Variants in DLGAP4 observed in about 807,000 individuals in gnomAD.
DLGAP4 encodes the protein DLG associated protein 4, also known as disks large-associated protein 4.
In DLGAP4, 18 loss-of-function variants were observed where a neutral mutation model predicts 86.9. That is an observed-to-expected ratio of 0.21 (90% CI 0.14 to 0.31). DLGAP4 has a LOEUF of 0.31. Among genes scored for constraint, DLGAP4 ranks in the 10% least tolerant of loss-of-function variants. The pLI is 1.00. For missense variants in DLGAP4, 1,085 were observed against 1,362.6 expected (o/e 0.80, Z 3.21); for synonymous variants, 548 against 574.3 (o/e 0.95, Z 0.65).
intron 1 of DLGAP4, among the ~76,000 whole-genome samples, chr20:36,307,099 G>A (rs1205431779): frequency 6.6e-6 from 1 of 152,054 alleles, no homozygotes; most frequent in Non-Finnish European, 1.5e-5. Flanking sequence ...ATCTGGGGAG[G>A]GGGCGGGGGC....
chr20:36,401,540 C>T (rs2032160939), intron 2 of DLGAP4, among the ~76,000 whole-genome samples: 1 of 152,248 alleles, frequency 6.6e-6, no homozygotes, highest in Admixed American at 6.5e-5. Flanking sequence ...GCTTCTCCCC[C>T]AGTGCCCTAG....
chr20:36,320,401 C>A lies in DLGAP4; in HGVS notation c.-304+13889C>A, dbSNP rs527962209. ...GGGTGGGAGCTCAGGCAATGGGAAC[C>A]ATGCTTGGAGGGGCCCAGCCAGGCC... On this transcript the variant is annotated intron_variant, in intron 1 of 12. Coordinates refer to ENST00000339266, the MANE Select transcript of DLGAP4 (RefSeq NM_001365621.2). Among the ~76,000 whole-genome samples the A allele has an allele frequency of 2.6e-5, 4 of 152,084 alleles. No individual in the cohort carries two copies. In the South Asian group the frequency reaches 6.2e-4, roughly 24 times the overall value.
At chr20:36,524,438 A>AAC (rs1398940603) in intron 11 of DLGAP4, 97 bp downstream of exon 11, 2 of 1,001,446 alleles carry the variant, frequency 2.0e-6, no homozygotes, top group African/African-American at 3.2e-5. Context: ...CCTCCTCTGT[A>AAC]ACACACACAG....
chr20:36,343,966 G>A (rs1481456662), intron 1 of DLGAP4, among the ~76,000 whole-genome samples: 7 of 152,230 alleles, frequency 4.6e-5, no homozygotes, highest in Non-Finnish European at 1.0e-4. Flanking sequence ...TGAGGGAGCT[G>A]CCTGCCTGCT....
At position 36,446,815 on chromosome 20, in the gene DLGAP4, G is replaced by A. The variant is rs2033604075; in HGVS notation, c.1526G>A (p.Arg509His). ...CCACTGCCCAGCTACTTCCGCTCCC[G>A]CAGCCACAGCTACCTGCGTGCCATC... ...DLPLPSYFRS[R>H]SHSYLRAIQA... Residue 509 changes from arginine (R) to histidine (H), a missense_variant, in exon 7 of 13, where the codon CGC (arginine) becomes CAC (histidine). Arg to His is a conservative substitution (Grantham distance 29). Transcript: ENST00000339266. The A allele has an allele frequency of 1.2e-6, 2 of 1,612,606 alleles. No homozygotes were observed. The highest frequency in any genetic ancestry group is 1.1e-5 in the South Asian group (1 of 90,926).
chr20:36,525,731 G>C, intron 11 of DLGAP4, 120 bp from the exon 12 acceptor site: 4 of 1,334,544 alleles, frequency 3.0e-6, no homozygotes, highest in Non-Finnish European at 4.1e-6. Context: ...CCAGACACTA[G>C]GCCTCAAGAG....
Position 36,306,562 on chromosome 20 carries a change from G to T in DLGAP4, c.-304+50G>T, listed in dbSNP as rs2065004183. ...GCGGCTCCTACCCCCTTCCCGGGCC[G>T]GCGCGCTCCGTCCCTCGGCTAGACC... On this transcript the variant is annotated intron_variant, in intron 1 of 12. Transcript: ENST00000339266. This position sits in a 1 kb window ranked among gnomAD's most constrained non-coding sequence, Gnocchi z 4.9. 6.6e-6 allele frequency: 1 copy of T among 151,362 alleles called. No individual in the cohort carries two copies. The highest frequency in any genetic ancestry group is 6.6e-5 in the Admixed American group (1 of 15,232). 9.4% of individuals were successfully genotyped at this position (151,362 alleles called of 1,614,324 possible).
At chr20:36,318,118 A>T (rs1291584643) in intron 1 of DLGAP4, among the ~76,000 whole-genome samples, 66 of 118,440 alleles carry the variant, frequency 5.6e-4, no homozygotes, top group South Asian at 8.7e-4. Context: ...ACACACACAC[A>T]CACACACACA....
intron 7 of DLGAP4, chr20:36,462,135 C>G (rs1057404950): frequency 4.9e-6 from 5 of 1,014,794 alleles, no homozygotes; most frequent in Non-Finnish European, 5.9e-6. Context: ...TGGGCTTTCC[C>G]TCTTCTGGGT....
intron 2 of DLGAP4, among the ~76,000 whole-genome samples, chr20:36,383,166 T>C (rs1452432752): frequency 6.6e-6 from 1 of 152,146 alleles, no homozygotes; most frequent in Non-Finnish European, 1.5e-5. Context: ...CGCTGGGGTC[T>C]CCACTGAACT....
At chr20:36,377,813 G>A (rs1456982451) in intron 2 of DLGAP4, among the ~76,000 whole-genome samples, 4 of 152,162 alleles carry the variant, frequency 2.6e-5, no homozygotes, top group African/African-American at 7.2e-5. Context: ...CTCTCCCCGC[G>A]TTCCTCCAAC....
rs1387923111 is a variant in DLGAP4, at chr20:36,319,995, G to T, written c.-304+13483G>T. ...CCCACTCCCCCGGGCCTCCCTCTGTGTCCCTCTCCTCCAGGCCTCCCTCTG... is the reference window on the plus strand; with the variant it reads ...CCCACTCCCCCGGGCCTCCCTCTGTTTCCCTCTCCTCCAGGCCTCCCTCTG... On this transcript the variant is annotated intron_variant, in intron 1 of 12. Transcript: ENST00000339266. Among the ~76,000 whole-genome samples the T allele has an allele frequency of 2.0e-5, 3 of 149,924 alleles. No individual in the cohort carries two copies. In the East Asian group the frequency reaches 6.0e-4, roughly 30 times the overall value.
intron 12 of DLGAP4, among the ~76,000 whole-genome samples, chr20:36,526,286 AGAG>A (rs1569527714): frequency 6.6e-6 from 1 of 151,242 alleles, no homozygotes; most frequent in African/African-American, 2.5e-5. Flanking sequence ...ACGTTATAAC[AGAG>A]GAGGCAGCAA....
At chr20:36,351,994 G>C (rs530361024) in intron 1 of DLGAP4, among the ~76,000 whole-genome samples, 15 of 152,302 alleles carry the variant, frequency 9.8e-5, no homozygotes, top group African/African-American at 2.9e-4. Flanking sequence ...GCCCAGGCAG[G>C]TGAGACAGGG....
intron 10 of DLGAP4, among the ~76,000 whole-genome samples, chr20:36,502,122 T>A (rs1167583083): frequency 6.6e-6 from 1 of 152,210 alleles, no homozygotes. Context: ...GATGAGTGTT[T>A]AGCTCTCACA....
intron 12 of DLGAP4, among the ~76,000 whole-genome samples, chr20:36,526,385 C>A (rs1009271842): frequency 1.3e-5 from 2 of 152,110 alleles, no homozygotes; most frequent in African/African-American, 4.8e-5. Context: ...CAGCCTCTTC[C>A]CTGAGGCTTC....
In DLGAP4 at chr20:36,427,965, G is replaced by GA. The variant is rs555570652; in HGVS notation, c.-72-3673dup. On this transcript the variant is annotated intron_variant, in intron 2 of 12. Transcript: ENST00000339266. Reference sequence around the variant, plus strand: ...TGTCAAAAAATAAAAATAAAAAAGGGAAAAAAAACTGGAAAAATACAATCC... The same window carrying GA: ...TGTCAAAAAATAAAAATAAAAAAGGGAAAAAAAAACTGGAAAAATACAATCC... Among the ~76,000 whole-genome samples, 858 of 151,510 alleles carry GA rather than the reference G, an allele frequency of 5.7e-3. 2 individuals carry two copies. The highest frequency in any genetic ancestry group is 9.6e-3 in the Non-Finnish European group (649 of 67,888).
intron 1 of DLGAP4, among the ~76,000 whole-genome samples, chr20:36,346,167 G>A (rs2029931467): frequency 1.3e-5 from 2 of 152,166 alleles, no homozygotes; most frequent in African/African-American, 4.8e-5. Context: ...CGAATCCCTG[G>A]CCTCACCAAG....
chr20:36,455,223 C>G (rs1243244934), intron 7 of DLGAP4, among the ~76,000 whole-genome samples: 5 of 151,954 alleles, frequency 3.3e-5, no homozygotes, highest in African/African-American at 1.2e-4. Flanking sequence ...CTCTTTCTCC[C>G]CCCACCATCT....
Sources: allele counts gnomAD v4.1 joint callset (sites outside exome capture counted in the v4.1 genomes callset), GRCh38; gene constraint gnomAD v4.1.1; non-coding constraint Gnocchi (gnomAD v3.1); transcripts MANE v1.5; gene names NCBI Gene and HGNC (gene_info 2026-07-23, HGNC 2026-07-21).